ADIPOR1: variants seen among roughly 807,000 people sequenced by gnomAD.
ADIPOR1 encodes adiponectin receptor 1, also known as adiponectin receptor protein 1.
In ADIPOR1, 15 loss-of-function variants were observed where a neutral mutation model predicts 37.5. That is an observed-to-expected ratio of 0.40 (90% CI 0.27 to 0.62). ADIPOR1 has a LOEUF of 0.62. Among genes scored for constraint, ADIPOR1 ranks in the 20% least tolerant of loss-of-function variants. ADIPOR1 has a pLI of 0.42. For missense variants in ADIPOR1, 286 were observed against 478.0 expected (o/e 0.60, Z 3.75); for synonymous variants, 173 against 173.2 (o/e 1.00, Z 0.01).
chr1:202,953,234 C>T (rs982874431), intron 1 of ADIPOR1, among the ~76,000 whole-genome samples: 2 of 66,800 alleles, frequency 3.0e-5, no homozygotes, highest in Admixed American at 1.9e-4. Flanking sequence ...CTTTATATCG[C>T]AAGCAAAAAA....
chr1:202,952,643 G>A (rs185751935), intron 1 of ADIPOR1, among the ~76,000 whole-genome samples: 5 of 152,244 alleles, frequency 3.3e-5, no homozygotes, highest in South Asian at 4.1e-4. Context: ...TGGGATTCCG[G>A]GACGTGCACC....
chr1:202,943,979 G>C (rs1654203789), intron 5 of ADIPOR1, 34 bp from the exon 6 acceptor site: 5 of 1,569,224 alleles, frequency 3.2e-6, no homozygotes, highest in Non-Finnish European at 4.4e-6. Context: ...ACAAATCAGT[G>C]GGGGAAATGA....
chr1:202,949,502 C>T (rs1654473810), intron 2 of ADIPOR1, among the ~76,000 whole-genome samples: 2 of 150,128 alleles, frequency 1.3e-5, no homozygotes, highest in Admixed American at 1.3e-4. Context: ...ATGGCATGAA[C>T]CCTGGAGGGC....
At chr1:202,956,296 C>T (rs1654780760) in intron 1 of ADIPOR1, among the ~76,000 whole-genome samples, 1 of 152,202 alleles carries the variant, frequency 6.6e-6, no homozygotes, top group African/African-American at 2.4e-5. Context: ...GATAATGTAG[C>T]AGGAGTGTTA....
intron 6 of ADIPOR1, 122 bp from the exon 7 acceptor site, chr1:202,942,340 GT>G: frequency 1.1e-6 from 1 of 908,594 alleles, no homozygotes; most frequent in Non-Finnish European, 1.6e-6. Flanking sequence ...AATAGTACAT[GT>G]TTAGGAAACT....
Position 202,943,807 on chromosome 1 carries a change from C to T in ADIPOR1, c.756G>A (p.Val252=). 3 of 1,614,076 alleles carry T rather than the reference C, an allele frequency of 1.9e-6. No individual in the cohort carries two copies. The South Asian group carries it at 3.3e-5, about 18-fold the overall frequency. ...GAGTGGCAAACCGGTCCCACTGCGCCACAATGATGGCAGAAATGCCCAGGA... is the reference window on the plus strand; with the variant it reads ...GAGTGGCAAACCGGTCCCACTGCGCTACAATGATGGCAGAAATGCCCAGGA... ...VCVLGISAII[V]AQWDRFATPK... The change falls in exon 6 of 8, where the codon GTG becomes GTA. Residue 252 remains valine, a synonymous_variant. Coordinates refer to ENST00000340990, the MANE Select transcript of ADIPOR1 (RefSeq NM_015999.6).
intron 2 of ADIPOR1, 89 bp from the exon 3 acceptor site, chr1:202,948,509 T>C: frequency 9.4e-7 from 1 of 1,062,398 alleles, no homozygotes; most frequent in Non-Finnish European, 1.4e-6. Context: ...AACCCAAACC[T>C]AATGCCTTCT....
chr1:202,942,626 T>G (rs1654141718), intron 6 of ADIPOR1, among the ~76,000 whole-genome samples: 1 of 152,152 alleles, frequency 6.6e-6, no homozygotes, highest in Admixed American at 6.5e-5. Flanking sequence ...TAACCAGAAC[T>G]CTGACCTCCT....
At chr1:202,955,516 C>T (rs77678860) in intron 1 of ADIPOR1, among the ~76,000 whole-genome samples, 1,902 of 151,284 alleles carry the variant, frequency 0.013, 108 homozygotes, top group Admixed American at 0.089. Flanking sequence ...CCCTGACAGA[C>T]AGGCAAACTT....
Position 202,952,646 on chromosome 1 carries a change from C to G in ADIPOR1, c.-94-1482G>C, listed in dbSNP as rs545572523. Among the ~76,000 whole-genome samples the G allele has an allele frequency of 4.6e-5, 7 of 152,306 alleles. No homozygotes were observed. The South Asian group carries it at 1.4e-3, about 32-fold the overall frequency. ...GTTCTCCTGCCTTGGGATTCCGGGACGTGCACCAATAGCCCCTTGGGTTCT... is the reference window on the plus strand; with the variant it reads ...GTTCTCCTGCCTTGGGATTCCGGGAGGTGCACCAATAGCCCCTTGGGTTCT... On this transcript the variant is annotated intron_variant, in intron 1 of 7. Transcript: ENST00000340990.
chr1:202,944,474 A>G (rs985405023), intron 5 of ADIPOR1: 2 of 154,096 alleles, frequency 1.3e-5, no homozygotes, highest in African/African-American at 4.8e-5. Flanking sequence ...CAATAACAAC[A>G]AAAACAAGCA....
rs773052813 is a variant in ADIPOR1, at chr1:202,942,198, A to G, written c.826T>C (p.Leu276=). Residue 276 remains leucine (L), a synonymous_variant, in exon 7 of 8, where the codon TTG becomes CTG. Coordinates refer to ENST00000340990, the MANE Select transcript of ADIPOR1 (RefSeq NM_015999.6). ...TRAGVFLGLG[L]SGVVPTMHFT... is the part of the protein sequence containing the mutation. ...TGCATGGTGGGCACGACGCCACTCA[A>G]GCCAAGTCCCAGGAACACGCCTGAA... 1.2e-6 allele frequency: 2 copies of G among 1,613,956 alleles called. No individual in the cohort carries two copies. The highest frequency in any genetic ancestry group is 4.5e-5 in the East Asian group (2 of 44,898).
intron 2 of ADIPOR1, 73 bp downstream of exon 2, chr1:202,950,857 T>C: frequency 6.3e-7 from 1 of 1,588,602 alleles, no homozygotes; most frequent in Non-Finnish European, 8.6e-7. Context: ...GGTGAGCTCT[T>C]AAAAAAGAGA....
chr1:202,942,218 C>A lies in ADIPOR1; in HGVS notation c.806G>T (p.Gly269Val). The change falls in exon 7 of 8, where the codon GGC (glycine) becomes GTC (valine). Residue 269 changes from glycine to valine, a missense_variant and splice_region_variant. Transcript: ENST00000340990. ...ACTCAAGCCAAGTCCCAGGAACACG[C>A]CTGAACAGAACAGACATAAGACTGT... ...ATPKHRQTRA[G>V]VFLGLGLSGV... is the part of the protein sequence containing the mutation. 6.2e-7 allele frequency: 1 copy of A among 1,613,112 alleles called. No homozygotes were observed. The highest frequency in any genetic ancestry group is 8.5e-7 in the Non-Finnish European group (1 of 1,179,478).
intron 3 of ADIPOR1, among the ~76,000 whole-genome samples, chr1:202,947,135 AAAAC>A (rs764150433): frequency 1.3e-5 from 2 of 152,126 alleles, no homozygotes; most frequent in African/African-American, 2.4e-5. Context: ...CAAAAAAACA[AAAAC>A]AAACAAACAA....
intron 4 of ADIPOR1, among the ~76,000 whole-genome samples, chr1:202,945,560 T>G (rs538435710): frequency 6.6e-6 from 1 of 152,346 alleles, no homozygotes; most frequent in Admixed American, 6.5e-5. Flanking sequence ...CACATGCACA[T>G]GTATGTTTAT....
Position 202,943,280 on chromosome 1 carries a change from G to A in ADIPOR1, c.805+478C>T, listed in dbSNP as rs187361690. Among the ~76,000 whole-genome samples the A allele has an allele frequency of 1.3e-3, 192 of 152,336 alleles. 1 individual carries two copies. Among genetic ancestry groups the A allele is most frequent in the African/African-American group, 4.2e-3 (176 of 41,584 alleles). On this transcript the variant is annotated intron_variant, in intron 6 of 7. Transcript: ENST00000340990. ...TGCAAGTAATAAAAGCTTAAAATAA[G>A]AGTCCAGATGAGATGAGACAACACA...
At chr1:202,952,942 G>C (rs1234874640) in intron 1 of ADIPOR1, among the ~76,000 whole-genome samples, 3 of 152,208 alleles carry the variant, frequency 2.0e-5, no homozygotes, top group African/African-American at 7.2e-5. Context: ...TCTAGTCCAA[G>C]AGAGACAAAA....
chr1:202,950,843 G>A (rs1654548373), intron 2 of ADIPOR1, 87 bp downstream of exon 2: 1 of 1,544,468 alleles, frequency 6.5e-7, no homozygotes, highest in African/African-American at 1.4e-5. Flanking sequence ...TCCTCCTTTT[G>A]GACGGTGAGC....
Sources: gnomAD v4.1 joint callset for allele counts (sites outside exome capture counted in the v4.1 genomes callset) on GRCh38, gnomAD v4.1.1 for gene constraint, MANE v1.5 for transcripts, NCBI Gene and HGNC (gene_info 2026-07-23, HGNC 2026-07-21) for gene names.